The following SLC14A2 variants were observed in gnomAD, a reference collection of about 807,000 sequenced individuals.
SLC14A2 encodes the protein solute carrier family 14 member 2.
SLC14A2 carries 91 observed loss-of-function variants against 104.6 expected under a neutral mutation model. That is an observed-to-expected ratio of 0.87 (90% CI 0.73 to 1.04). The LOEUF (loss-of-function observed/expected upper bound fraction) is 1.04, where lower values mean the gene tolerates loss of function less well. Among genes scored for constraint, SLC14A2 ranks in the 50% least tolerant of loss-of-function variants. The pLI, the probability that SLC14A2 is intolerant of heterozygous loss-of-function variation, is 0.00. For synonymous variants in SLC14A2, 476 were observed against 466.4 expected, an observed-to-expected ratio of 1.02 and a Z score of -0.27; for missense variants, 1,189 against 1,156.0, an observed-to-expected ratio of 1.03 and a Z score of -0.41.
intron 2 of SLC14A2, among the ~76,000 whole-genome samples, chr18:45,560,299 T>C (rs1599005513): frequency 1.3e-5 from 2 of 152,204 alleles, no homozygotes; most frequent in African/African-American, 4.8e-5. Flanking sequence ...TAAATAGCTT[T>C]GTCTAAGGCC....
intron 6 of SLC14A2, 75 bp from the exon 7 acceptor site, chr18:45,639,671 C>T (rs1328668627): frequency 3.4e-6 from 5 of 1,488,120 alleles, no homozygotes; most frequent in Non-Finnish European, 4.6e-6. Context: ...CGAGGAATGG[C>T]TCAAATCTGG....
At chr18:45,230,096 G>A in intron 1 of SLC14A2, among the ~76,000 whole-genome samples, 1 of 152,200 alleles carries the variant, frequency 6.6e-6, no homozygotes, top group East Asian at 1.9e-4. Flanking sequence ...CATCATCATT[G>A]TCATTAATAT....
At chr18:45,324,866 C>T (rs1219435367) in intron 1 of SLC14A2, among the ~76,000 whole-genome samples, 1 of 152,054 alleles carries the variant, frequency 6.6e-6, no homozygotes, top group Non-Finnish European at 1.5e-5. Flanking sequence ...TATGTTTCAA[C>T]GCCGTAACTC....
chr18:45,444,139 G>A (rs1316273877), intron 1 of SLC14A2, among the ~76,000 whole-genome samples: 1 of 152,180 alleles, frequency 6.6e-6, no homozygotes, highest in Non-Finnish European at 1.5e-5. Context: ...TCTGAAGGCA[G>A]ACTTTTGTGC....
At chr18:45,652,018 A>G (rs1040940820) in intron 10 of SLC14A2, among the ~76,000 whole-genome samples, 4 of 152,228 alleles carry the variant, frequency 2.6e-5, no homozygotes, top group Admixed American at 2.6e-4. Flanking sequence ...CTGTCTTCGC[A>G]GCCTGAGTTT....
chr18:45,649,548 T>C (rs922650938), intron 10 of SLC14A2, among the ~76,000 whole-genome samples: 7 of 152,260 alleles, frequency 4.6e-5, no homozygotes, highest in African/African-American at 1.7e-4. Context: ...TATTACACTT[T>C]CCTCTCTTCT....
At chr18:45,588,191 C>T (rs1390821794) in intron 2 of SLC14A2, among the ~76,000 whole-genome samples, 1 of 152,136 alleles carries the variant, frequency 6.6e-6, no homozygotes, top group African/African-American at 2.4e-5. Flanking sequence ...ATCACTAGGG[C>T]TCTCTGAAAA....
chr18:45,647,755 T>C (rs2045647476), intron 10 of SLC14A2: 1 of 147,376 alleles, frequency 6.8e-6, no homozygotes, highest in South Asian at 2.1e-4. Flanking sequence ...TAATAATGGG[T>C]TTCTTAATTT....
chr18:45,672,857 C>G, intron 16 of SLC14A2, 43 bp from the exon 17 acceptor site: 2 of 1,580,386 alleles, frequency 1.3e-6, no homozygotes, highest in Non-Finnish European at 8.6e-7. Context: ...CAAGTTGTCT[C>G]TTTTGCCTCC....
intron 1 of SLC14A2, among the ~76,000 whole-genome samples, chr18:45,361,161 C>T (rs1197703405): frequency 6.6e-6 from 1 of 152,168 alleles, no homozygotes; most frequent in Non-Finnish European, 1.5e-5. Flanking sequence ...CCCTCTGATA[C>T]AGCACAGATG....
At chr18:45,186,331 A>G in the SLC14A2 span, among the ~76,000 whole-genome samples, 6 of 152,236 alleles carry the variant, frequency 3.9e-5, no homozygotes, top group Non-Finnish European at 7.3e-5. Context: ...GTTTTGCACA[A>G]GGGTGCAAAA....
At chr18:45,668,152 GTTA>G (rs2046062194) in intron 14 of SLC14A2, 130 bp downstream of exon 14, 5 of 1,143,620 alleles carry the variant, frequency 4.4e-6, no homozygotes, top group Non-Finnish European at 5.0e-6. Flanking sequence ...CTGTTCCCTG[GTTA>G]TTTTGTCATA....
intron 1 of SLC14A2, among the ~76,000 whole-genome samples, chr18:45,369,573 T>C (rs1473180075): frequency 6.6e-6 from 1 of 152,224 alleles, no homozygotes; most frequent in East Asian, 1.9e-4. Context: ...GATATATGTA[T>C]ATGTTTTATG....
intron 1 of SLC14A2, among the ~76,000 whole-genome samples, chr18:45,294,987 T>A (rs898295456): frequency 3.3e-5 from 5 of 152,246 alleles, no homozygotes; most frequent in Non-Finnish European, 1.5e-5. Context: ...TAATGAACCA[T>A]GATACTTATT....
At position 45,386,268 on chromosome 18, in the gene SLC14A2, G is replaced by A. The variant is rs141987202; in HGVS notation, c.-124-96965G>A. Among the ~76,000 whole-genome samples, 28 of 152,240 alleles carry A rather than the reference G, an allele frequency of 1.8e-4. No individual in the cohort carries two copies. In the East Asian group the frequency reaches 4.4e-3, roughly 24 times the overall value. On this transcript the variant is annotated intron_variant, in intron 1 of 20. Coordinates refer to the SLC14A2 transcript ENST00000586448. Reference sequence around the variant, plus strand: ...GGCTGGCTTTAAAACCCAAACTGAAGGGTCAAATGTCTCATGGAAATTTCA... The same window carrying A: ...GGCTGGCTTTAAAACCCAAACTGAAAGGTCAAATGTCTCATGGAAATTTCA...
At chr18:45,324,144 G>A (rs1054370963) in intron 1 of SLC14A2, among the ~76,000 whole-genome samples, 1 of 152,026 alleles carries the variant, frequency 6.6e-6, no homozygotes, top group Non-Finnish European at 1.5e-5. Context: ...TATATTACTA[G>A]AAACATAATA....
At chr18:45,349,088 C>G (rs749658098) in intron 1 of SLC14A2, among the ~76,000 whole-genome samples, 5 of 152,184 alleles carry the variant, frequency 3.3e-5, no homozygotes, top group Non-Finnish European at 5.9e-5. Context: ...AATGGAGTTT[C>G]ACCATGTTCT....
At chr18:45,321,317 A>G (rs1345984145) in intron 1 of SLC14A2, among the ~76,000 whole-genome samples, 4 of 152,268 alleles carry the variant, frequency 2.6e-5, no homozygotes, top group Non-Finnish European at 5.9e-5. Flanking sequence ...ACTTCCATCC[A>G]GAAATATTGT....
At chr18:45,629,037 T>A (rs56225322) in intron 4 of SLC14A2, among the ~76,000 whole-genome samples, 12,139 of 152,252 alleles carry the variant, frequency 0.08, 643 homozygotes, top group Non-Finnish European at 0.12. Context: ...GACTTAGGCT[T>A]GGAGGCATGA....
Sources: allele counts gnomAD v4.1 joint callset (sites outside exome capture counted in the v4.1 genomes callset), GRCh38; gene constraint gnomAD v4.1.1; transcripts MANE v1.5; gene names NCBI Gene and HGNC (gene_info 2026-07-23, HGNC 2026-07-21).